The following SETD1B variants were observed in gnomAD, a reference collection of about 807,000 sequenced individuals.
SETD1B encodes the protein SET domain containing 1B, histone lysine methyltransferase, also known as histone-lysine N-methyltransferase SETD1B.
SETD1B carries 7 observed loss-of-function variants against 148.0 expected under a neutral mutation model. The ratio of observed to expected loss-of-function variants is 0.05; its 90% CI spans 0.03 to 0.09. The LOEUF is 0.09. SETD1B is among the 10% of genes least tolerant of loss of function. The pLI, the probability that SETD1B is intolerant of heterozygous loss-of-function variation, is 1.00. For missense variants in SETD1B, 2,155 were observed against 2,729.9 expected, an observed-to-expected ratio of 0.79 and a Z score of 4.69; for synonymous variants, 1,361 against 1,186.5, an observed-to-expected ratio of 1.15 and a Z score of -3.02.
Position 121,819,556 on chromosome 12 carries a change from G to A in SETD1B, c.3571G>A (p.Glu1191Lys). 1 of 1,552,588 alleles carries A rather than the reference G, an allele frequency of 6.4e-7. No homozygotes were observed. Among genetic ancestry groups the A allele is most frequent in the South Asian group, 1.2e-5 (1 of 84,070 alleles). Residue 1191 changes from glutamate to lysine, a missense_variant, in exon 11 of 17, where the codon GAG becomes AAG. Physicochemically the swap from Glu to Lys is moderately conservative, Grantham distance 56. Coordinates refer to ENST00000604567, the MANE Select transcript of SETD1B (RefSeq NM_001353345.2). ...VVAREEEEEE[E>K]EEEMVAEESM... ...GGCCAGGGAAGAGGAGGAAGAAGAG[G>A]AGGAGGAGGAGATGGTGGCCGAGGA... is the stretch of plus-strand genomic sequence containing the variant.
intron 4 of SETD1B, among the ~76,000 whole-genome samples, chr12:121,807,967 C>T (rs531203704): frequency 1.2e-3 from 183 of 152,102 alleles, no homozygotes; most frequent in Non-Finnish European, 2.2e-3. Flanking sequence ...AGTCTCAGCC[C>T]CAGGAGACAT....
At chr12:121,793,641 A>G in the SETD1B span, 1 of 1,532,192 alleles carries the variant, frequency 6.5e-7, no homozygotes, top group Non-Finnish European at 8.7e-7. Flanking sequence ...CATTGCCCGG[A>G]GCCCGCAGCA....
chr12:121,825,516 T>TGGGGGGGGGGGGGGG, intron 13 of SETD1B, 150 bp downstream of exon 13: 1 of 315,304 alleles, frequency 3.2e-6, no homozygotes, highest in Non-Finnish European at 6.3e-6. Flanking sequence ...GAGAGGCGGG[T>TGGGGGGGGGGGGGGG]GGGCGGGGCC....
At chr12:121,792,144 A>G in the SETD1B span, among the ~76,000 whole-genome samples, 1 of 132,942 alleles carries the variant, frequency 7.5e-6, no homozygotes. Context: ...GGTCCTCTCC[A>G]AGGTCTAGGT....
chr12:121,807,905 G>T (rs1419621874), intron 4 of SETD1B, among the ~76,000 whole-genome samples: 1 of 151,302 alleles, frequency 6.6e-6, no homozygotes. Context: ...TAATGCAGGG[G>T]TGGGGGGGGG....
Position 121,827,950 on chromosome 12 carries a change from G to A in SETD1B, c.5607G>A (p.Arg1869=). 1 of 1,552,052 alleles carries A rather than the reference G, an allele frequency of 6.4e-7. No individual in the cohort carries two copies. ...GTGGCCAGGTGATCGCAGACATGCG[G>A]GAGAAGCGTTATGAGGACGAGGGCA... ...QNIRQVIADM[R]EKRYEDEGIG... Residue 1869 remains arginine (R), a synonymous_variant, in exon 16 of 17, where the codon CGG becomes CGA. Coordinates refer to ENST00000604567, the MANE Select transcript of SETD1B (RefSeq NM_001353345.2).
At position 121,827,674 on chromosome 12, in the gene SETD1B, C is replaced by T. The variant is rs375572954; in HGVS notation, c.5469+24C>T. On this transcript the variant is annotated intron_variant, in intron 14 of 16. Coordinates refer to ENST00000604567, the MANE Select transcript of SETD1B (RefSeq NM_001353345.2). ...AGGTGAGGCCGGGCTTCACCCAGAT[C>T]GCCGGGGTGGCGGCAGGACCTGAGA... 47 of 1,551,604 alleles carry T rather than the reference C, an allele frequency of 3.0e-5. No homozygotes were observed. In the Middle Eastern group the frequency reaches 6.7e-4, roughly 22 times the overall value.
chr12:121,793,688 G>C, the SETD1B span: 1 of 1,431,008 alleles, frequency 7.0e-7, no homozygotes. Flanking sequence ...GGAGCCAAGA[G>C]GTCGGGGGCG....
chr12:121,827,179 T>G (rs1176523498), intron 13 of SETD1B, among the ~76,000 whole-genome samples: 9 of 151,308 alleles, frequency 5.9e-5, no homozygotes, highest in Non-Finnish European at 1.3e-4. Context: ...GACACAAGGG[T>G]TTCGGAAGGA....
chr12:121,824,344 G>A (rs770595151), intron 12 of SETD1B, among the ~76,000 whole-genome samples: 2 of 152,312 alleles, frequency 1.3e-5, no homozygotes, highest in South Asian at 2.1e-4. Flanking sequence ...CACTCAGTTT[G>A]TGTCAAGAGC....
At chr12:121,799,393 G>A (rs1875181616), upstream of SETD1B, 1 of 152,162 alleles carries the variant, frequency 6.6e-6, no homozygotes. Flanking sequence ...CGGAACCTCG[G>A]GTCTCTGTTC....
chr12:121,823,394 C>G lies in SETD1B; in HGVS notation c.4815C>G (p.Pro1605=). 1 of 1,544,186 alleles carries G rather than the reference C, an allele frequency of 6.5e-7. No homozygotes were observed. Among genetic ancestry groups the G allele is most frequent in the Non-Finnish European group, 8.7e-7 (1 of 1,145,900 alleles). ...CACCTGTAGAGCCCACCAAGCTGCC[C>G]TTTAAGGAGCTAGACAACCAGTGGC... ...PPPPVEPTKL[P]FKELDNQWPS... Residue 1605 remains proline (P), a synonymous_variant, in exon 12 of 17, where the codon CCC becomes CCG. Transcript: ENST00000604567.
Position 121,814,307 on chromosome 12 carries a change from C to A in SETD1B, c.2092C>A (p.Pro698Thr). Residue 698 changes from proline (P) to threonine (T), a missense_variant, in exon 7 of 17, where the codon CCA (proline) becomes ACA (threonine). By Grantham distance (38) the Pro-to-Thr change is conservative. This residue lies in a region of SETD1B where 295 missense variants were observed against 303.8 expected (regional missense o/e 0.97). Coordinates refer to ENST00000604567, the MANE Select transcript of SETD1B (RefSeq NM_001353345.2). ...PPLPPPPPPP[P>T]PQPGFPMPPP... ...GCTGCCCCCCCCACCACCACCACCC[C>A]CACCGCAGCCTGGCTTCCCCATGCC... 1.6e-6 allele frequency: 2 copies of A among 1,221,024 alleles called. No homozygotes were observed. Among genetic ancestry groups the A allele is most frequent in the Non-Finnish European group, 2.2e-6 (2 of 898,284 alleles). The allele number at this position is 1,221,024 out of a possible 1,614,324, so 75.6% of individuals were successfully genotyped here.
intron 6 of SETD1B, among the ~76,000 whole-genome samples, chr12:121,812,272 G>T (rs375820966): frequency 1.5e-4 from 23 of 152,312 alleles, no homozygotes; most frequent in Non-Finnish European, 2.5e-4. Context: ...GTGCAGGGGG[G>T]GCTTTTCTTC....
chr12:121,801,250 C>G (rs747966112), upstream of SETD1B: 2 of 152,366 alleles, frequency 1.3e-5, no homozygotes, highest in East Asian at 1.9e-4. Context: ...TGTTTTAAGC[C>G]CCCCCGTCTC....
At position 121,814,595 on chromosome 12, in the gene SETD1B, T is replaced by C. The variant is rs932502354; in HGVS notation, c.2380T>C (p.Tyr794His). 10 of 1,534,768 alleles carry C rather than the reference T, an allele frequency of 6.5e-6. No individual in the cohort carries two copies. The highest frequency in any genetic ancestry group is 8.8e-6 in the Non-Finnish European group (10 of 1,137,382). Residue 794 changes from tyrosine (Y) to histidine (H), a missense_variant, in exon 7 of 17, where the codon TAC becomes CAC. Transcript: ENST00000604567. ...RLMTGQGACP[Y>H]PPFMAAAAAA... ...GATGACGGGCCAGGGCGCCTGCCCC[T>C]ACCCGCCCTTCATGGCCGCTGCGGC...
In SETD1B at chr12:121,810,798, T is replaced by C. The variant is rs374027175; in HGVS notation, c.1853T>C (p.Val618Ala). The C allele has an allele frequency of 7.4e-5, 114 of 1,532,022 alleles. No homozygotes were observed. The highest frequency in any genetic ancestry group is 3.4e-4 in the Middle Eastern group (2 of 5,926). 94.9% of individuals were successfully genotyped at this position (1,532,022 alleles called of 1,614,324 possible). ...ACAGCTGAGGTGGCCTTGGACCTGG[T>C]TGGAGACAGAACCCCGACCTCAGAG... Reference protein sequence around the residue: ...SQTAEVALDLVGDRTPTSEKM... With the variant: ...SQTAEVALDLAGDRTPTSEKM... The change falls in exon 6 of 17, where the codon GTT (valine) becomes GCT (alanine). Residue 618 changes from valine to alanine, a missense_variant. Transcript: ENST00000604567. The surrounding 1 kb of genome is among the most constrained non-coding windows in gnomAD (Gnocchi z 7.6).
At chr12:121,812,260 G>T (rs1876070451) in intron 6 of SETD1B, among the ~76,000 whole-genome samples, 1 of 152,174 alleles carries the variant, frequency 6.6e-6, no homozygotes, top group African/African-American at 2.4e-5. Context: ...GGCCAGCCGA[G>T]GGTGCAGGGG....
the SETD1B span, chr12:121,797,092 T>G: frequency 8.5e-6 from 2 of 234,330 alleles, no homozygotes; most frequent in Non-Finnish European, 1.7e-5. Context: ...GGCAGGAGCT[T>G]GCTGGAAGTC....
Sources: allele counts gnomAD v4.1 joint callset (sites outside exome capture counted in the v4.1 genomes callset), GRCh38; gene constraint gnomAD v4.1.1; regional missense constraint gnomAD v4.1.1; non-coding constraint Gnocchi (gnomAD v3.1); transcripts MANE v1.5; gene names NCBI Gene and HGNC (gene_info 2026-07-23, HGNC 2026-07-21).